Variants in ZW10 observed in about 807,000 individuals in gnomAD.
The protein encoded by ZW10 is zw10 kinetochore protein, also known as centromere/kinetochore protein zw10 homolog.
A neutral mutation model predicts 87.8 loss-of-function variants in ZW10; 53 were observed. That is an observed-to-expected ratio of 0.60 (90% CI 0.48 to 0.76). The LOEUF (loss-of-function observed/expected upper bound fraction) is 0.76, where lower values mean the gene tolerates loss of function less well. Ranked by LOEUF, ZW10 falls within the 30% of genes least tolerant of loss-of-function variation. The pLI, the probability that ZW10 is intolerant of heterozygous loss-of-function variation, is 0.00. For missense variants in ZW10, 837 were observed against 923.0 expected (o/e 0.91, Z 1.21); for synonymous variants, 312 against 329.2 (o/e 0.95, Z 0.57).
intron 12 of ZW10, 123 bp downstream of exon 12, chr11:113,739,090 C>T (rs1414254108): frequency 9.6e-7 from 1 of 1,044,420 alleles, no homozygotes; most frequent in African/African-American, 1.7e-5. Flanking sequence ...AATGCCCTCC[C>T]ACTTTCTGAT....
intron 15 of ZW10, among the ~76,000 whole-genome samples, chr11:113,735,290 A>G (rs1167072731): frequency 6.6e-6 from 1 of 152,216 alleles, no homozygotes; most frequent in Non-Finnish European, 1.5e-5. Flanking sequence ...ACTGCAAGAA[A>G]GCCCTTTAAC....
Position 113,773,575 on chromosome 11 carries a change from AC to A in ZW10, c.91del (p.Val31TrpfsTer11). The part of the protein sequence containing the change: ...GTRISRLTRR[V>X]EEIKGEVCNM... The stretch of plus-strand genomic sequence containing the variant: ...CCCCGCTCTCACCTTGATCTCCTCC[AC>A]CCGCCGGGTCAGGCGGCTGATCCGG... On this transcript the variant is annotated frameshift_variant, in exon 1 of 16. Coordinates refer to ENST00000200135, the MANE Select transcript of ZW10 (RefSeq NM_004724.4). LOFTEE classifies it high-confidence loss of function. The A allele has an allele frequency of 6.2e-7, 1 of 1,611,674 alleles. No homozygotes were observed. The highest frequency in any genetic ancestry group is 8.5e-7 in the Non-Finnish European group (1 of 1,179,544).
intron 2 of ZW10, among the ~76,000 whole-genome samples, chr11:113,767,309 C>T (rs1953918761): frequency 2.0e-5 from 3 of 152,022 alleles, no homozygotes; most frequent in Admixed American, 6.6e-5. Flanking sequence ...ATTTGATACC[C>T]CATAGGCACC....
Position 113,760,877 on chromosome 11 carries a change from GTC to G in ZW10, c.280_281del (p.Asp94LeufsTer16), listed in dbSNP as rs755885379. 2 of 1,614,082 alleles carry G rather than the reference GTC, an allele frequency of 1.2e-6. No homozygotes were observed. Among genetic ancestry groups the G allele is most frequent in the Admixed American group, 3.3e-5 (2 of 60,016 alleles). On this transcript the variant is annotated frameshift_variant, in exon 3 of 16. Coordinates refer to ENST00000200135, the MANE Select transcript of ZW10 (RefSeq NM_004724.4). LOFTEE classifies it high-confidence loss of function. ...AGTCTCTTTCCAACTGCTGCTTTAA[GTC>G]TGTAAATTCACCGGTTGATACGTGA... ...DLHVSTGEFTDLKQQLERDSV... is the reference protein window; with the variant it reads ...DLHVSTGEFTXLKQQLERDSV...
chr11:113,747,792 TA>T, intron 8 of ZW10, 79 bp from the exon 9 acceptor site: 6 of 1,250,998 alleles, frequency 4.8e-6, no homozygotes, highest in Non-Finnish European at 5.4e-6. Context: ...ATCCAATGTA[TA>T]AAAAAATGAG....
At chr11:113,741,460 T>C (rs1953617890) in intron 11 of ZW10, among the ~76,000 whole-genome samples, 1 of 152,272 alleles carries the variant, frequency 6.6e-6, no homozygotes. Flanking sequence ...GTAGTTCTTT[T>C]GAGTTTTAAA....
intron 3 of ZW10, 69 bp from the exon 4 acceptor site, chr11:113,760,659 A>T: frequency 7.3e-7 from 1 of 1,377,992 alleles, no homozygotes. Context: ...AACATTAAGA[A>T]ATGCTCCCAC....
In ZW10 at chr11:113,733,717, C is replaced by A; in HGVS notation, c.2317G>T (p.Ala773Ser). ...ALFQNTERRA[A>S]ALAKIK is the part of the protein sequence containing the mutation. ...AGCTATTTAATTTTAGCAAGGGCAG[C>A]TGCTCTTCTTTCTGTGTTCTGAAAC... The change falls in exon 16 of 16, where the codon GCT becomes TCT. Residue 773 changes from alanine to serine, a missense_variant. Transcript: ENST00000200135. 6.2e-7 allele frequency: 1 copy of A among 1,614,118 alleles called. No individual in the cohort carries two copies. The highest frequency in any genetic ancestry group is 8.5e-7 in the Non-Finnish European group (1 of 1,180,022).
At chr11:113,735,258 A>G (rs188035667) in intron 15 of ZW10, among the ~76,000 whole-genome samples, 1 of 152,338 alleles carries the variant, frequency 6.6e-6, no homozygotes, top group Admixed American at 6.5e-5. Flanking sequence ...TCTTATAACA[A>G]GGAATTAATG....
At position 113,736,834 on chromosome 11, in the gene ZW10, CAGAGG is replaced by C; in HGVS notation, c.2017-17_2017-13del. On this transcript the variant is annotated splice_polypyrimidine_tract_variant and intron_variant, in intron 14 of 15. Coordinates refer to ENST00000200135, the MANE Select transcript of ZW10 (RefSeq NM_004724.4). ...TCAGTAGATATGTCCTGGTTTTGCA[CAGAGG>C]AAACACAATAGAATAGAATTGGGCC... 6.2e-7 allele frequency: 1 copy of C among 1,613,434 alleles called. No homozygotes were observed. The highest frequency in any genetic ancestry group is 8.5e-7 in the Non-Finnish European group (1 of 1,179,414).
rs1328073148 is a variant in ZW10, at chr11:113,737,591, C to T, written c.1997G>A (p.Gly666Asp). 9 of 1,611,522 alleles carry T rather than the reference C, an allele frequency of 5.6e-6. No individual in the cohort carries two copies. Among genetic ancestry groups the T allele is most frequent in the Non-Finnish European group, 7.6e-6 (9 of 1,178,350 alleles). The change falls in exon 14 of 16, where the codon GGC (glycine) becomes GAC (aspartate). Residue 666 changes from glycine (G) to aspartate (D), a missense_variant. Coordinates refer to ENST00000200135, the MANE Select transcript of ZW10 (RefSeq NM_004724.4). ...LLNTAISEVI[G>D]KITALEDIST... is the part of the protein sequence containing the mutation. ...CCTTACCTCTAGGGCAGTAATTTTG[C>T]CAATGACCTCAGAAATTGCTGTATT...
chr11:113,750,900 T>C (rs1052915585), intron 7 of ZW10, among the ~76,000 whole-genome samples: 38 of 151,960 alleles, frequency 2.5e-4, no homozygotes, highest in African/African-American at 8.2e-4. Context: ...GGAAAGGATA[T>C]ATTTTTTAAA....
intron 9 of ZW10, among the ~76,000 whole-genome samples, chr11:113,745,455 G>A (rs1050306243): frequency 6.6e-6 from 1 of 152,184 alleles, no homozygotes; most frequent in Admixed American, 6.5e-5. Flanking sequence ...GGACTTGGCT[G>A]TCTAATCTGT....
intron 2 of ZW10, among the ~76,000 whole-genome samples, chr11:113,767,505 TC>T (rs1031663932): frequency 2.0e-5 from 3 of 152,084 alleles, no homozygotes; most frequent in African/African-American, 7.2e-5. Context: ...TTTTCTCCAT[TC>T]CCACTGCCAC....
chr11:113,752,180 G>C (rs202054298), intron 7 of ZW10, among the ~76,000 whole-genome samples: 4 of 152,164 alleles, frequency 2.6e-5, no homozygotes, highest in Admixed American at 6.5e-5. Flanking sequence ...AGAAATGCTT[G>C]CCAAATATTC....
At chr11:113,734,643 G>T (rs1018049750) in intron 15 of ZW10, among the ~76,000 whole-genome samples, 31 of 151,756 alleles carry the variant, frequency 2.0e-4, no homozygotes, top group African/African-American at 7.5e-4. Context: ...CATCTCTACT[G>T]AAAATACAAA....
intron 9 of ZW10, 95 bp from the exon 10 acceptor site, chr11:113,744,135 C>A: frequency 9.6e-7 from 1 of 1,045,816 alleles, no homozygotes; most frequent in Non-Finnish European, 1.4e-6. Flanking sequence ...CGCCTGTAAT[C>A]CCAGCACTTT....
intron 2 of ZW10, among the ~76,000 whole-genome samples, chr11:113,764,693 G>A (rs573116160): frequency 6.6e-6 from 1 of 152,216 alleles, no homozygotes; most frequent in South Asian, 2.1e-4. Flanking sequence ...ATAGGTGATA[G>A]GAACTTTTCA....
At chr11:113,754,559 G>A (rs917641047) in intron 7 of ZW10, among the ~76,000 whole-genome samples, 2 of 151,990 alleles carry the variant, frequency 1.3e-5, no homozygotes, top group African/African-American at 4.8e-5. Context: ...ATAAAGCCTG[G>A]ATGGCAACAC....
Sources: allele counts gnomAD v4.1 joint callset (sites outside exome capture counted in the v4.1 genomes callset), GRCh38; gene constraint gnomAD v4.1.1; transcripts MANE v1.5; gene names NCBI Gene and HGNC (gene_info 2026-07-23, HGNC 2026-07-21).